HLCS: variants seen among roughly 807,000 people sequenced by gnomAD.
HLCS encodes the protein biotin--protein ligase.
In HLCS, 53 loss-of-function variants were observed where a neutral mutation model predicts 75.0. That is an observed-to-expected ratio of 0.71 (90% CI 0.57 to 0.89). The LOEUF (loss-of-function observed/expected upper bound fraction) is 0.89. Among genes scored for constraint, HLCS ranks in the 40% least tolerant of loss-of-function variants. The pLI is 0.00. For synonymous variants in HLCS, 431 were observed against 428.6 expected (o/e 1.01, Z -0.07); for missense variants, 966 against 1,074.0 (o/e 0.90, Z 1.41).
In HLCS at chr21:36,842,455, T is replaced by C. The variant is rs1337674450; in HGVS notation, c.1892+54405A>G. ...CTTCAATAAAACTTCTAAGAAACTC[T>C]CTGGCCAGGCACAGTGGCTCATCCC... is the stretch of plus-strand genomic sequence containing the variant. On this transcript the variant is annotated intron_variant, in intron 6 of 10. Coordinates refer to ENST00000674895, the MANE Select transcript of HLCS (RefSeq NM_001352514.2). This position sits in a 1 kb window ranked among gnomAD's most constrained non-coding sequence, Gnocchi z 4.2. Among the ~76,000 whole-genome samples, 2 of 152,170 alleles carry C rather than the reference T, an allele frequency of 1.3e-5. No individual in the cohort carries two copies. The highest frequency in any genetic ancestry group is 2.9e-5 in the Non-Finnish European group (2 of 68,030).
At chr21:36,946,274 T>G (rs1267128948) in intron 2 of HLCS, 1 of 162,752 alleles carries the variant, frequency 6.1e-6, no homozygotes, top group Non-Finnish European at 1.3e-5. Flanking sequence ...TGAGACAGGG[T>G]CTTACTTTAT....
chr21:36,880,833 A>G (rs1486690466), intron 6 of HLCS, among the ~76,000 whole-genome samples: 2 of 152,102 alleles, frequency 1.3e-5, no homozygotes, highest in Admixed American at 6.5e-5. Context: ...CCCCTCCCAG[A>G]GCACTCCTTA....
At chr21:36,868,112 T>G (rs1413188579) in intron 6 of HLCS, among the ~76,000 whole-genome samples, 3 of 148,606 alleles carry the variant, frequency 2.0e-5, no homozygotes, top group East Asian at 2.0e-4. Context: ...ATCACACCAC[T>G]GCATTCCAGC....
rs370117126 is a variant in HLCS, at chr21:36,756,577, G to A, written c.2415C>T (p.Ser805=). The A allele has an allele frequency of 1.3e-4, 206 of 1,613,180 alleles. 2 individuals are homozygous for A. In the South Asian group the frequency reaches 1.3e-3, roughly 10 times the overall value. The part of the protein sequence containing the change: ...IKEFQDKGPN[S]VLPLYYRYWV... Reference sequence around the variant, plus strand: ...AGTATCGGTAATAAAGGGGAAGGACGCTGTTGGGCCCTTTGTCCTGAAACT... The same window carrying A: ...AGTATCGGTAATAAAGGGGAAGGACACTGTTGGGCCCTTTGTCCTGAAACT... The change falls in exon 10 of 11, where the codon AGC becomes AGT. Residue 805 remains serine (S), a synonymous_variant. Coordinates refer to ENST00000674895, the MANE Select transcript of HLCS (RefSeq NM_001352514.2).
intron 2 of HLCS, among the ~76,000 whole-genome samples, chr21:36,958,136 G>A (rs1288419394): frequency 6.6e-6 from 1 of 151,410 alleles, no homozygotes; most frequent in Non-Finnish European, 1.5e-5. Context: ...CCAGCTACTC[G>A]GGTGGCTGAG....
intron 6 of HLCS, among the ~76,000 whole-genome samples, chr21:36,885,603 C>T (rs959292568): frequency 6.6e-6 from 1 of 151,904 alleles, no homozygotes; most frequent in South Asian, 2.1e-4. Context: ...CTGAAGGATG[C>T]GTTATAAAGG....
chr21:36,989,908 C>A (rs2069314091), intron 1 of HLCS, among the ~76,000 whole-genome samples: 1 of 151,656 alleles, frequency 6.6e-6, no homozygotes, highest in Non-Finnish European at 1.5e-5. Flanking sequence ...CAGGGAAGAA[C>A]GCCAGCGGCG....
chr21:36,966,726 G>GC (rs1287378189), upstream of HLCS: 69 of 544,986 alleles, frequency 1.3e-4, 1 homozygote, highest in East Asian at 1.6e-4. Flanking sequence ...GGGCCGCGCC[G>GC]CCCCCCCGGG....
intron 3 of HLCS, among the ~76,000 whole-genome samples, chr21:36,937,956 G>A (rs577061870): frequency 2.0e-5 from 3 of 152,282 alleles, no homozygotes; most frequent in South Asian, 2.1e-4. Context: ...AGACATGTAC[G>A]AGGTGATTCT....
At chr21:36,820,518 C>T (rs894233709) in intron 6 of HLCS, among the ~76,000 whole-genome samples, 2 of 152,248 alleles carry the variant, frequency 1.3e-5, no homozygotes, top group African/African-American at 4.8e-5. Flanking sequence ...TGGCCAAGCC[C>T]AGGCACTGTC....
rs139026974 is a variant in HLCS, at chr21:36,955,622, A to C, written c.330+6414T>G. 7.1e-3 allele frequency among the ~76,000 whole-genome samples: 1,082 copies of C among 152,332 alleles called. 15 individuals are homozygous for C. The highest frequency in any genetic ancestry group is 0.024 in the African/African-American group (1,009 of 41,550). On this transcript the variant is annotated intron_variant, in intron 2 of 10. Transcript: ENST00000674895. ...AAATTTTAAAAAATCAAGTTTATAAAGTAAAAATATGATAGTAAGCTAAGA... is the reference window on the plus strand; with the variant it reads ...AAATTTTAAAAAATCAAGTTTATAACGTAAAAATATGATAGTAAGCTAAGA...
chr21:36,881,990 G>A (rs1434535725), intron 6 of HLCS, among the ~76,000 whole-genome samples: 1 of 151,688 alleles, frequency 6.6e-6, no homozygotes, highest in East Asian at 1.9e-4. Flanking sequence ...GCAAGAGTGA[G>A]ACTCCACGTC....
chr21:36,874,787 G>A (rs1461318966), intron 6 of HLCS, among the ~76,000 whole-genome samples: 1 of 152,114 alleles, frequency 6.6e-6, no homozygotes, highest in African/African-American at 2.4e-5. Flanking sequence ...TACCAAGTCG[G>A]CTGGGCAGGA....
chr21:36,882,595 C>A (rs1436547170), intron 6 of HLCS, among the ~76,000 whole-genome samples: 2 of 150,888 alleles, frequency 1.3e-5, no homozygotes, highest in Non-Finnish European at 3.0e-5. Flanking sequence ...TGCGTGTCAC[C>A]ACGCCTGGCT....
At chr21:36,829,431 T>C (rs2062120097) in intron 6 of HLCS, among the ~76,000 whole-genome samples, 1 of 152,226 alleles carries the variant, frequency 6.6e-6, no homozygotes, top group African/African-American at 2.4e-5. Context: ...TTGTGTGTCA[T>C]GACATATAAA....
At chr21:36,977,026 C>G (rs1015876578) in intron 1 of HLCS, among the ~76,000 whole-genome samples, 3 of 151,936 alleles carry the variant, frequency 2.0e-5, no homozygotes, top group Non-Finnish European at 4.4e-5. Context: ...TAGCATTGTG[C>G]CTATACATAG....
chr21:36,819,628 T>C (rs2061766850), intron 6 of HLCS, among the ~76,000 whole-genome samples: 1 of 152,144 alleles, frequency 6.6e-6, no homozygotes, highest in African/African-American at 2.4e-5. Flanking sequence ...ACACACACAC[T>C]ATCTCTAATC....
intron 6 of HLCS, among the ~76,000 whole-genome samples, chr21:36,840,596 CTTTTA>C (rs999438168): frequency 6.6e-6 from 1 of 151,980 alleles, no homozygotes; most frequent in Non-Finnish European, 1.5e-5. Context: ...TACAATTTTG[CTTTTA>C]TTTTATTTCA....
intron 6 of HLCS, among the ~76,000 whole-genome samples, chr21:36,865,588 C>T (rs1005500022): frequency 3.9e-5 from 6 of 152,116 alleles, no homozygotes; most frequent in African/African-American, 1.4e-4. Context: ...CCCAGAGAAC[C>T]TCTTCAGTCT....
Sources: gnomAD v4.1 joint callset for allele counts (sites outside exome capture counted in the v4.1 genomes callset) on GRCh38, gnomAD v4.1.1 for gene constraint, Gnocchi (gnomAD v3.1) non-coding constraint, MANE v1.5 for transcripts, NCBI Gene and HGNC (gene_info 2026-07-23, HGNC 2026-07-21) for gene names.